The following PLCB1 variants were observed in gnomAD, a reference collection of about 807,000 sequenced individuals.
The protein encoded by PLCB1 is 1-phosphatidylinositol 4,5-bisphosphate phosphodiesterase beta-1.
Under a neutral mutation model 161.8 loss-of-function variants are expected in PLCB1, and 46 were observed. The observed-to-expected ratio is 0.28, with a 90% CI of 0.22 to 0.36. The LOEUF is 0.36. Ranked by LOEUF, PLCB1 falls within the 10% of genes least tolerant of loss-of-function variation. The pLI is 1.00. For missense variants in PLCB1, 1,016 were observed against 1,472.5 expected, an observed-to-expected ratio of 0.69 and a Z score of 5.07; for synonymous variants, 517 against 503.7, an observed-to-expected ratio of 1.03 and a Z score of -0.35.
intron 3 of PLCB1, among the ~76,000 whole-genome samples, chr20:8,379,754 T>C (rs1361440606): frequency 6.6e-6 from 1 of 152,232 alleles, no homozygotes; most frequent in Non-Finnish European, 1.5e-5. Context: ...TGTCTTCTTT[T>C]GGAAAGTGTC....
In PLCB1 at chr20:8,309,813, C is replaced by T. The variant is rs142342551; in HGVS notation, c.178-61569C>T. ...CCAGGACTTGTATTTTTGTGTTTGC[C>T]TCACACATTTCCAGTGCTAAGTGTT... On this transcript the variant is annotated intron_variant, in intron 2 of 31. Coordinates refer to ENST00000338037, the MANE Select transcript of PLCB1 (RefSeq NM_015192.4). Among the ~76,000 whole-genome samples the T allele has an allele frequency of 3.4e-3, 511 of 152,276 alleles. 1 individual carries two copies. The highest frequency in any genetic ancestry group is 0.011 in the African/African-American group (476 of 41,558).
intron 3 of PLCB1, among the ~76,000 whole-genome samples, chr20:8,375,037 A>G (rs1304087345): frequency 6.6e-6 from 1 of 152,124 alleles, no homozygotes; most frequent in Non-Finnish European, 1.5e-5. Context: ...TTAAATGTCA[A>G]CCCCCAACAC....
chr20:8,203,458 G>A (rs1280356766), intron 2 of PLCB1, among the ~76,000 whole-genome samples: 3 of 152,098 alleles, frequency 2.0e-5, no homozygotes, highest in Non-Finnish European at 2.9e-5. Flanking sequence ...TGAACATACT[G>A]AGTTTGAGGA....
At chr20:8,375,303 G>T (rs940247971) in intron 3 of PLCB1, among the ~76,000 whole-genome samples, 1 of 152,122 alleles carries the variant, frequency 6.6e-6, no homozygotes, top group Non-Finnish European at 1.5e-5. Flanking sequence ...TCTGTGCTAT[G>T]TACATGTACT....
intron 2 of PLCB1, among the ~76,000 whole-genome samples, chr20:8,180,313 A>G (rs939242489): frequency 9.9e-5 from 15 of 152,196 alleles, no homozygotes; most frequent in Admixed American, 8.5e-4. Context: ...CTATTTGATC[A>G]TGGTGGATTA....
At chr20:8,489,456 G>T (rs1464941904) in intron 3 of PLCB1, among the ~76,000 whole-genome samples, 1 of 152,162 alleles carries the variant, frequency 6.6e-6, no homozygotes, top group Non-Finnish European at 1.5e-5. Context: ...ATGTCTTCCT[G>T]TCTTTATGTA....
intron 3 of PLCB1, among the ~76,000 whole-genome samples, chr20:8,549,134 T>C (rs117501934): frequency 0.13 from 19,846 of 152,164 alleles, 1,709 homozygotes; most frequent in Admixed American, 0.25. Flanking sequence ...CTGCATGTTC[T>C]GCACATGTAT....
At chr20:8,626,367 T>C (rs1988347702) in intron 3 of PLCB1, among the ~76,000 whole-genome samples, 1 of 152,068 alleles carries the variant, frequency 6.6e-6, no homozygotes. Flanking sequence ...AGTTCCTTTA[T>C]CTTAAGGATG....
At chr20:8,233,771 T>G (rs139590091) in intron 2 of PLCB1, among the ~76,000 whole-genome samples, 1 of 152,288 alleles carries the variant, frequency 6.6e-6, no homozygotes, top group Non-Finnish European at 1.5e-5. Context: ...CCAAGGCTAA[T>G]CTTCTGGCTT....
At chr20:8,330,050 G>T (rs1187466000) in intron 2 of PLCB1, among the ~76,000 whole-genome samples, 3 of 152,046 alleles carry the variant, frequency 2.0e-5, no homozygotes, top group African/African-American at 7.2e-5. Context: ...CTTTCCTCGG[G>T]CAAAAACCAC....
At chr20:8,221,762 T>A (rs1979423157) in intron 2 of PLCB1, among the ~76,000 whole-genome samples, 2 of 152,082 alleles carry the variant, frequency 1.3e-5, no homozygotes, top group South Asian at 4.1e-4. Context: ...GAAGAGAAGT[T>A]CAAGGTCAAA....
At chr20:8,329,529 C>A (rs1985288110) in intron 2 of PLCB1, among the ~76,000 whole-genome samples, 1 of 151,996 alleles carries the variant, frequency 6.6e-6, no homozygotes. Context: ...TGTTCTCATC[C>A]CTGCATTCAG....
At chr20:8,571,308 T>TC (rs1986505720) in intron 3 of PLCB1, among the ~76,000 whole-genome samples, 2 of 151,874 alleles carry the variant, frequency 1.3e-5, no homozygotes, top group South Asian at 4.2e-4. Context: ...ATGGTGACAC[T>TC]CCATCTCTAC....
At chr20:8,309,558 A>G (rs940702151) in intron 2 of PLCB1, among the ~76,000 whole-genome samples, 4 of 152,234 alleles carry the variant, frequency 2.6e-5, no homozygotes, top group Non-Finnish European at 5.9e-5. Flanking sequence ...AATTGGGACT[A>G]CAAATGAGAA....
chr20:8,195,108 A>G (rs148406888), intron 2 of PLCB1, among the ~76,000 whole-genome samples: 6 of 152,202 alleles, frequency 3.9e-5, no homozygotes, highest in Non-Finnish European at 4.4e-5. Flanking sequence ...AGTAGAAATA[A>G]TATTTTAAAA....
chr20:8,499,301 T>A (rs1983306169), intron 3 of PLCB1, among the ~76,000 whole-genome samples: 1 of 152,256 alleles, frequency 6.6e-6, no homozygotes, highest in South Asian at 2.1e-4. Context: ...CTAATTTTCT[T>A]CTTTTGTACA....
chr20:8,184,225 C>T (rs2051877032), intron 2 of PLCB1, among the ~76,000 whole-genome samples: 1 of 152,046 alleles, frequency 6.6e-6, no homozygotes, highest in Non-Finnish European at 1.5e-5. Context: ...AGGATGCATA[C>T]TAATTTAATT....
At chr20:8,397,878 T>C (rs1034009128) in intron 3 of PLCB1, among the ~76,000 whole-genome samples, 1 of 152,098 alleles carries the variant, frequency 6.6e-6, no homozygotes, top group Non-Finnish European at 1.5e-5. Context: ...AGCATTTAGG[T>C]TGTTTCCATT....
chr20:8,810,870 A>G (rs979785459), intron 31 of PLCB1, among the ~76,000 whole-genome samples: 1 of 152,166 alleles, frequency 6.6e-6, no homozygotes, highest in Non-Finnish European at 1.5e-5. Context: ...GGGCTGAGAG[A>G]TGGGAGGATT....
Sources: gnomAD v4.1 joint callset for allele counts (sites outside exome capture counted in the v4.1 genomes callset) on GRCh38, gnomAD v4.1.1 for gene constraint, MANE v1.5 for transcripts, NCBI Gene and HGNC (gene_info 2026-07-23, HGNC 2026-07-21) for gene names.